Variants in TIMM8A observed in about 807,000 individuals in gnomAD.
The protein encoded by TIMM8A is translocase of inner mitochondrial membrane 8A, also known as mitochondrial import inner membrane translocase subunit Tim8 A.
A neutral mutation model predicts 6.8 loss-of-function variants in TIMM8A; 2 were observed. The observed-to-expected ratio is 0.30, with a 90% CI of 0.12 to 0.93. The LOEUF (loss-of-function observed/expected upper bound fraction) is 0.93. Among genes scored for constraint, TIMM8A ranks in the 40% least tolerant of loss-of-function variants. The pLI, the probability that TIMM8A is intolerant of heterozygous loss-of-function variation, is 0.55. For synonymous variants in TIMM8A, 26 were observed against 28.5 expected (o/e 0.91, Z 0.28); for missense variants, 34 against 75.2 (o/e 0.45, Z 2.02).
chrX:101,345,985 G>A lies in TIMM8A; in HGVS notation c.*514C>T. On this transcript the variant is annotated 3_prime_UTR_variant, in exon 2 of 2. Coordinates refer to ENST00000372902, the MANE Select transcript of TIMM8A (RefSeq NM_004085.4). ...GATATTTAAGCAAATCATCATATAG[G>A]AAAGGGAGATCAAGATAACTGAAGT... 6 of 724,351 alleles carry A rather than the reference G, an allele frequency of 8.3e-6. No homozygotes were observed. Among genetic ancestry groups the A allele is most frequent in the Non-Finnish European group, 9.4e-6 (6 of 636,458 alleles). 59.7% of individuals were successfully genotyped at this position (724,351 alleles called of 1,213,427 possible). A position where few individuals can be genotyped will look rare whatever the true frequency, so the allele number is the denominator to read the frequency against.
In TIMM8A at chrX:101,346,956, C is replaced by T. The variant is rs1252232118; in HGVS notation, c.133-296G>A. On this transcript the variant is annotated intron_variant, in intron 1 of 1. Coordinates refer to ENST00000372902, the MANE Select transcript of TIMM8A (RefSeq NM_004085.4). ...CCAAAATCATAGGGCCAGAAAATGG[C>T]AGAGCTGGGATATTCCAGAGCAAGA... 3 of 266,851 alleles carry T rather than the reference C, an allele frequency of 1.1e-5. No homozygotes were observed. In the East Asian group the frequency reaches 2.1e-4, roughly 19 times the overall value. 22.0% of individuals were successfully genotyped at this position (266,851 alleles called of 1,213,427 possible).
At chrX:101,348,307 T>C in intron 1 of TIMM8A, 2 of 1,165,966 alleles carry the variant, frequency 1.7e-6, no homozygotes, top group Non-Finnish European at 2.3e-6. Flanking sequence ...TCTTCTTTGA[T>C]ACCCAGTCCT....
chrX:101,346,341 A>C lies in TIMM8A; in HGVS notation c.*158T>G, dbSNP rs1263306666. The C allele has an allele frequency of 8.5e-7, 1 of 1,170,409 alleles. No individual in the cohort carries two copies. The highest frequency in any genetic ancestry group is 3.0e-5 in the East Asian group (1 of 33,372). On this transcript the variant is annotated 3_prime_UTR_variant, in exon 2 of 2. Coordinates refer to ENST00000372902, the MANE Select transcript of TIMM8A (RefSeq NM_004085.4). ...CAAACATATGACCCTTAAGCTTCAC[A>C]CACAAAAAATTGGTCTTTGTTCATT...
intron 1 of TIMM8A, 149 bp downstream of exon 1, chrX:101,348,384 C>T (rs782444530): frequency 8.5e-6 from 10 of 1,180,370 alleles, no homozygotes; most frequent in East Asian, 3.1e-5. Context: ...TTCTCCCATC[C>T]GGCTAGGCCA....
At chrX:101,348,348 C>T (rs1490602518) in intron 1 of TIMM8A, 185 bp downstream of exon 1, 1 of 1,166,669 alleles carries the variant, frequency 8.6e-7, no homozygotes, top group Non-Finnish European at 1.1e-6. Context: ...TCCGGAATGA[C>T]AGTCCCCAGA....
chrX:101,348,354 C>T (rs1202915246), intron 1 of TIMM8A, 179 bp downstream of exon 1: 5 of 1,169,562 alleles, frequency 4.3e-6, no homozygotes, highest in Non-Finnish European at 5.7e-6. Flanking sequence ...ATGACAGTCC[C>T]CAGAGAAGCG....
chrX:101,348,614 C>A lies in TIMM8A; in HGVS notation c.51G>T (p.Pro17=). ...CTACCTCGATGAAATGCTGCAACTG[C>A]GGGTCCACTGCACCCAAACCCGCCG... ...SSAAGLGAVD[P]QLQHFIEVET... is the part of the protein sequence containing the mutation. Residue 17 remains proline, a synonymous_variant, in exon 1 of 2, where the codon CCG becomes CCT. Coordinates refer to ENST00000372902, the MANE Select transcript of TIMM8A (RefSeq NM_004085.4). The A allele has an allele frequency of 8.3e-7, 1 of 1,211,696 alleles. No homozygotes were observed. The highest frequency in any genetic ancestry group is 1.1e-6 in the Non-Finnish European group (1 of 895,372).
In TIMM8A at chrX:101,346,659, T is replaced by C. The variant is rs1555976135; in HGVS notation, c.134A>G (p.Glu45Gly). 8.3e-7 allele frequency: 1 copy of C among 1,211,622 alleles called. No individual in the cohort carries two copies. Among genetic ancestry groups the C allele is most frequent in the Admixed American group, 2.2e-5 (1 of 46,006 alleles). ...TGGCCCAGGCTTGTCCATGCACTTCTCCTGCTCAGGACAAGATACAGAATC... is the reference window on the plus strand; with the variant it reads ...TGGCCCAGGCTTGTCCATGCACTTCCCCTGCTCAGGACAAGATACAGAATC... ...LVHQMTELCW[E>G]KCMDKPGPKL... Residue 45 changes from glutamate (E) to glycine (G), a missense_variant and splice_region_variant, in exon 2 of 2, where the codon GAG (glutamate) becomes GGG (glycine). Physicochemically the swap from Glu to Gly is moderately conservative, Grantham distance 98. Transcript: ENST00000372902.
At chrX:101,348,156 T>G in intron 1 of TIMM8A, 1 of 1,078,791 alleles carries the variant, frequency 9.3e-7, no homozygotes, top group Non-Finnish European at 1.2e-6. Flanking sequence ...GAATAGCAGA[T>G]TCACTGATTC....
At chrX:101,348,387 C>T (rs782743440) in intron 1 of TIMM8A, 146 bp downstream of exon 1, 2 of 1,183,018 alleles carry the variant, frequency 1.7e-6, no homozygotes, top group Non-Finnish European at 2.3e-6. Flanking sequence ...TCCCATCCGG[C>T]TAGGCCACAG....
chrX:101,348,373 C>A (rs782282422), intron 1 of TIMM8A, 160 bp downstream of exon 1: 2 of 1,175,273 alleles, frequency 1.7e-6, no homozygotes, highest in South Asian at 1.9e-5. Context: ...CGGAGTCACC[C>A]TTCTCCCATC....
chrX:101,348,187 G>A, intron 1 of TIMM8A: 1 of 1,090,351 alleles, frequency 9.2e-7, no homozygotes, highest in Non-Finnish European at 1.2e-6. Flanking sequence ...TGGGACTCGG[G>A]CTGCCAAAAA....
chrX:101,346,273 G>T lies in TIMM8A; in HGVS notation c.*226C>A. 1 of 1,063,547 alleles carries T rather than the reference G, an allele frequency of 9.4e-7. No homozygotes were observed. The highest frequency in any genetic ancestry group is 1.2e-6 in the Non-Finnish European group (1 of 826,677). 87.6% of individuals were successfully genotyped at this position (1,063,547 alleles called of 1,213,427 possible). A position where few individuals can be genotyped will look rare whatever the true frequency, so the allele number is the denominator to read the frequency against. Reference sequence around the variant, plus strand: ...ATGCATCTAAATAGAGTTTTCTTTCGCCTGTCAATTATTTTCACAAGATTA... The same window carrying T: ...ATGCATCTAAATAGAGTTTTCTTTCTCCTGTCAATTATTTTCACAAGATTA... On this transcript the variant is annotated 3_prime_UTR_variant, in exon 2 of 2. Coordinates refer to ENST00000372902, the MANE Select transcript of TIMM8A (RefSeq NM_004085.4).
At chrX:101,348,165 T>C in intron 1 of TIMM8A, 1 of 1,082,928 alleles carries the variant, frequency 9.2e-7, no homozygotes, top group East Asian at 3.4e-5. Flanking sequence ...ATTCACTGAT[T>C]CACTGACTCT....
In TIMM8A at chrX:101,346,729, C is replaced by T. The variant is rs1360552253; in HGVS notation, c.133-69G>A. 7 of 1,097,922 alleles carry T rather than the reference C, an allele frequency of 6.4e-6. No homozygotes were observed. In the Admixed American group the frequency reaches 1.8e-4, roughly 28 times the overall value. The allele number at this position is 1,097,922 out of a possible 1,213,427, so 90.5% of individuals were successfully genotyped here. On this transcript the variant is annotated intron_variant, in intron 1 of 1. Coordinates refer to ENST00000372902, the MANE Select transcript of TIMM8A (RefSeq NM_004085.4). ...AAAAAGACGGTTGGGGGCAGGGGTC[C>T]CTTTTTGTTGCTTAGAGAAAAAAAA...
At chrX:101,348,351 TC>T (rs781915716) in intron 1 of TIMM8A, 181 bp downstream of exon 1, 1 of 1,168,333 alleles carries the variant, frequency 8.6e-7, no homozygotes, top group South Asian at 1.9e-5. Flanking sequence ...GGAATGACAG[TC>T]CCCAGAGAAG....
chrX:101,346,740 CT>C, intron 1 of TIMM8A, 80 bp from the exon 2 acceptor site: 1 of 1,042,609 alleles, frequency 9.6e-7, no homozygotes, highest in Non-Finnish European at 1.3e-6. Context: ...CTTTTTGTTG[CT>C]TAGAGAAAAA....
chrX:101,346,874 T>C, intron 1 of TIMM8A: 1 of 378,821 alleles, frequency 2.6e-6, no homozygotes, highest in Non-Finnish European at 4.5e-6. Flanking sequence ...ATGGAATAGA[T>C]ACTATTATAA....
At chrX:101,348,026 C>T (rs1028956884) in intron 1 of TIMM8A, 1 of 860,492 alleles carries the variant, frequency 1.2e-6, no homozygotes, top group Admixed American at 6.1e-5. Context: ...AACAAGAAAG[C>T]AAATAAGTAT....
Sources: allele counts gnomAD v4.1 joint callset, GRCh38; gene constraint gnomAD v4.1.1; transcripts MANE v1.5; gene names NCBI Gene and HGNC (gene_info 2026-07-23, HGNC 2026-07-21).